The following TRMT61B variants were observed in gnomAD, a reference collection of about 807,000 sequenced individuals.
The protein encoded by TRMT61B is tRNA (adenine(58)-N(1))-methyltransferase, mitochondrial.
In TRMT61B, 56 loss-of-function variants were observed where a neutral mutation model predicts 52.0. That is an observed-to-expected ratio of 1.08 (90% CI 0.87 to 1.35). TRMT61B has a LOEUF of 1.35. Among genes scored for constraint, TRMT61B ranks in the 40% most tolerant of loss-of-function variants. TRMT61B has a pLI of 0.00. For synonymous variants in TRMT61B, 206 were observed against 220.0 expected, an observed-to-expected ratio of 0.94 and a Z score of 0.56; for missense variants, 650 against 577.9, an observed-to-expected ratio of 1.12 and a Z score of -1.28.
At chr2:28,866,034 G>A (rs1669830021) in intron 1 of TRMT61B, among the ~76,000 whole-genome samples, 1 of 150,680 alleles carries the variant, frequency 6.6e-6, no homozygotes, top group Non-Finnish European at 1.5e-5. Flanking sequence ...CTGTCACCCA[G>A]GCTGGAGTGC....
intron 2 of TRMT61B, 196 bp from the exon 3 acceptor site, chr2:28,861,504 T>A (rs932805557): frequency 1.9e-6 from 1 of 534,174 alleles, no homozygotes; most frequent in Non-Finnish European, 3.3e-6. Context: ...ACCAGCTATT[T>A]ACCTTTCCCA....
In TRMT61B at chr2:28,854,770, A is replaced by AAAAAAG. The variant is rs777576460; in HGVS notation, c.994-2272_994-2271insCTTTTT. Among the ~76,000 whole-genome samples the AAAAAAG allele has an allele frequency of 1.6e-4, 17 of 109,426 alleles. 3 individuals carry two copies. The highest frequency in any genetic ancestry group is 5.2e-4 in the African/African-American group (15 of 28,574). The allele number at this position is 109,426 out of a possible 152,430, so 71.8% of individuals were successfully genotyped here. A position where few individuals can be genotyped will look rare whatever the true frequency, so the allele number is the denominator to read the frequency against. ...AAAAAAAAAAAAAAAAAAAAAAAAA[A>AAAAAAG]ACTGCCAGGCGTGGTGGCATGCTCC... On this transcript the variant is annotated intron_variant, in intron 3 of 6. Transcript: ENST00000306108.
At chr2:28,858,092 G>C (rs1247951249) in intron 3 of TRMT61B, among the ~76,000 whole-genome samples, 5 of 148,516 alleles carry the variant, frequency 3.4e-5, no homozygotes, top group Non-Finnish European at 7.4e-5. Flanking sequence ...CCAGGCTGGA[G>C]TGCAGTGGCG....
rs200742289 is a variant in TRMT61B, at chr2:28,869,677, G to T, written c.601C>A (p.Leu201Met). The change falls in exon 1 of 7, where the codon CTG becomes ATG. Residue 201 changes from leucine to methionine, a missense_variant. Coordinates refer to ENST00000306108, the MANE Select transcript of TRMT61B (RefSeq NM_017910.4). ...KIVGKFPGQI[L>M]RSSFGKQYML... ...TACTGCTTACCGAAGGAACTCCTCA[G>T]TATCTGGCCGGGGAACTTCCCCACG... is the stretch of plus-strand genomic sequence containing the variant. The T allele has an allele frequency of 6.2e-6, 10 of 1,614,038 alleles. No homozygotes were observed. Among genetic ancestry groups the T allele is most frequent in the Non-Finnish European group, 8.5e-7 (1 of 1,180,020 alleles).
intron 3 of TRMT61B, among the ~76,000 whole-genome samples, 191 bp downstream of exon 3, chr2:28,860,927 G>A (rs562741989): frequency 6.6e-6 from 1 of 152,128 alleles, no homozygotes; most frequent in South Asian, 2.1e-4. Context: ...CACCCAACTC[G>A]GTAACTCAGT....
chr2:28,865,662 G>A (rs1279158199), intron 1 of TRMT61B, among the ~76,000 whole-genome samples: 1 of 141,744 alleles, frequency 7.1e-6, no homozygotes, highest in Non-Finnish European at 1.5e-5. Context: ...TGCATAAAAT[G>A]ATGAATTTCC....
intron 3 of TRMT61B, among the ~76,000 whole-genome samples, chr2:28,858,845 G>A (rs1572541765): frequency 6.7e-6 from 1 of 150,230 alleles, no homozygotes; most frequent in African/African-American, 2.4e-5. Flanking sequence ...TTTTCAGCAG[G>A]AGAATGACAG....
chr2:28,865,672 C>CTT (rs70958219), intron 1 of TRMT61B, among the ~76,000 whole-genome samples: 33 of 80,040 alleles, frequency 4.1e-4, no homozygotes, highest in African/African-American at 9.5e-4. Flanking sequence ...GATGAATTTC[C>CTT]TTTTTTTTTT....
intron 2 of TRMT61B, among the ~76,000 whole-genome samples, chr2:28,864,399 TA>T (rs1168256131): frequency 2.0e-5 from 3 of 151,996 alleles, no homozygotes; most frequent in Admixed American, 6.6e-5. Context: ...GTGATTTAAA[TA>T]GAGAGTATTA....
Position 28,868,607 on chromosome 2 carries a change from C to T in TRMT61B, c.699+972G>A, listed in dbSNP as rs142046243. Among the ~76,000 whole-genome samples the T allele has an allele frequency of 1.8e-3, 268 of 152,306 alleles. 1 individual carries two copies. Among genetic ancestry groups the T allele is most frequent in the Non-Finnish European group, 2.4e-3 (160 of 68,032 alleles). On this transcript the variant is annotated intron_variant, in intron 1 of 6. Transcript: ENST00000306108. ...GGCAGTCAATTTGCTGAATAAATAA[C>T]GAATGAATCCTGATCTGGAGAAAGG...
chr2:28,865,124 G>A lies in TRMT61B; in HGVS notation c.700-5C>T, dbSNP rs768217452. The A allele has an allele frequency of 3.2e-6, 5 of 1,546,040 alleles. No homozygotes were observed. In the African/African-American group the frequency reaches 5.4e-5, roughly 17 times the overall value. Reference sequence around the variant, plus strand: ...TGAGAGAATCATATTAATATCCTATGATTGAAAACAGTATGGGTGACTCAG... The same window carrying A: ...TGAGAGAATCATATTAATATCCTATAATTGAAAACAGTATGGGTGACTCAG... On this transcript the variant is annotated splice_polypyrimidine_tract_variant and splice_region_variant and intron_variant, in intron 1 of 6. Coordinates refer to ENST00000306108, the MANE Select transcript of TRMT61B (RefSeq NM_017910.4).
intron 2 of TRMT61B, among the ~76,000 whole-genome samples, chr2:28,862,809 G>A (rs536664902): frequency 7.3e-6 from 1 of 136,842 alleles, no homozygotes; most frequent in Non-Finnish European, 1.6e-5. Flanking sequence ...TGGCCAACAT[G>A]GTGAAACCCT....
chr2:28,861,679 T>C lies in TRMT61B; in HGVS notation c.803-371A>G, dbSNP rs144755237. ...TTTTTAACAGGCATTATATTCACTGTATGGCTACGATGAACATTTAGCTTG... is the reference window on the plus strand; with the variant it reads ...TTTTTAACAGGCATTATATTCACTGCATGGCTACGATGAACATTTAGCTTG... On this transcript the variant is annotated intron_variant, in intron 2 of 6. Transcript: ENST00000306108. Among the ~76,000 whole-genome samples the C allele has an allele frequency of 3.3e-3, 497 of 152,370 alleles. 6 individuals are homozygous for C. Among genetic ancestry groups the C allele is most frequent in the African/African-American group, 0.011 (478 of 41,590 alleles).
intron 3 of TRMT61B, among the ~76,000 whole-genome samples, chr2:28,858,288 C>T (rs1669434787): frequency 6.6e-6 from 1 of 152,042 alleles, no homozygotes; most frequent in South Asian, 2.1e-4. Flanking sequence ...GATCTGCCCG[C>T]CTCGGCCTCC....
chr2:28,865,932 C>G (rs1200057855), intron 1 of TRMT61B, among the ~76,000 whole-genome samples: 1 of 151,630 alleles, frequency 6.6e-6, no homozygotes, highest in Non-Finnish European at 1.5e-5. Flanking sequence ...CCGCTCGCCT[C>G]AGCCTCCCAC....
rs760325602 is a variant in TRMT61B, at chr2:28,849,970, A to G, written c.*229T>C. On this transcript the variant is annotated 3_prime_UTR_variant, in exon 7 of 7. Transcript: ENST00000306108. ...GGCCCAACTAAACCAATTTGGAATC[A>G]TTAACTACAAAATGTCAAACTAACT... 12 of 1,494,274 alleles carry G rather than the reference A, an allele frequency of 8.0e-6. No individual in the cohort carries two copies. In the African/African-American group the frequency reaches 1.4e-4, roughly 17 times the overall value. The allele number at this position is 1,494,274 out of a possible 1,614,324, so 92.6% of individuals were successfully genotyped here.
chr2:28,861,360 A>G, intron 2 of TRMT61B, 52 bp from the exon 3 acceptor site: 1 of 1,413,780 alleles, frequency 7.1e-7, no homozygotes, highest in Non-Finnish European at 9.4e-7. Flanking sequence ...TTTATTAAAA[A>G]GTGTCAAAAA....
intron 3 of TRMT61B, among the ~76,000 whole-genome samples, chr2:28,853,486 AT>A (rs1669210368): frequency 6.6e-6 from 1 of 152,178 alleles, no homozygotes; most frequent in Admixed American, 6.5e-5. Flanking sequence ...GACAATGTGA[AT>A]TTCTATTGCC....
At chr2:28,868,094 G>A (rs1242525833) in intron 1 of TRMT61B, among the ~76,000 whole-genome samples, 1 of 152,086 alleles carries the variant, frequency 6.6e-6, no homozygotes, top group Non-Finnish European at 1.5e-5. Flanking sequence ...CTAAGTTTCT[G>A]AGGAAAGTTT....
Sources: allele counts gnomAD v4.1 joint callset (sites outside exome capture counted in the v4.1 genomes callset), GRCh38; gene constraint gnomAD v4.1.1; transcripts MANE v1.5; gene names NCBI Gene and HGNC (gene_info 2026-07-23, HGNC 2026-07-21).